DOCK1: variants seen among roughly 807,000 people sequenced by gnomAD.
DOCK1 encodes dedicator of cytokinesis 1.
In DOCK1, 138 loss-of-function variants were observed where a neutral mutation model predicts 262.7. That is an observed-to-expected ratio of 0.53 (90% confidence interval 0.46 to 0.61). DOCK1 has a LOEUF of 0.61. Among genes scored for constraint, DOCK1 ranks in the 20% least tolerant of loss-of-function variants. DOCK1 has a pLI of 0.00. For synonymous variants in DOCK1, 866 were observed against 867.4 expected, an observed-to-expected ratio of 1.00 and a Z score of 0.03; for missense variants, 1,908 against 2,370.7, an observed-to-expected ratio of 0.80 and a Z score of 4.05.
intron 29 of DOCK1, among the ~76,000 whole-genome samples, chr10:127,296,932 A>G (rs913682181): frequency 6.6e-6 from 1 of 152,154 alleles, no homozygotes; most frequent in Admixed American, 6.5e-5. Flanking sequence ...GGACCATTTG[A>G]GCTTTTCACT....
intron 4 of DOCK1, among the ~76,000 whole-genome samples, chr10:126,985,552 A>T (rs910518233): frequency 1.3e-5 from 2 of 152,104 alleles, no homozygotes; most frequent in Non-Finnish European, 2.9e-5. Flanking sequence ...CCCTATTCAC[A>T]TGGTGGAAGG....
intron 27 of DOCK1, among the ~76,000 whole-genome samples, chr10:127,233,661 C>T (rs1203330567): frequency 6.6e-6 from 1 of 152,178 alleles, no homozygotes; most frequent in East Asian, 1.9e-4. Context: ...GAGTTATATG[C>T]GGGCTTCTAG....
chr10:127,048,227 G>T (rs2044473523), intron 21 of DOCK1, among the ~76,000 whole-genome samples: 1 of 152,042 alleles, frequency 6.6e-6, no homozygotes, highest in Non-Finnish European at 1.5e-5. Flanking sequence ...ATATCTCTTG[G>T]TGATTTTAAT....
At chr10:127,080,258 A>C (rs549506087) in intron 23 of DOCK1, among the ~76,000 whole-genome samples, 1 of 152,258 alleles carries the variant, frequency 6.6e-6, no homozygotes, top group East Asian at 1.9e-4. Flanking sequence ...ATGGACTCCA[A>C]GTCTCCCTCT....
intron 12 of DOCK1, among the ~76,000 whole-genome samples, chr10:127,017,364 CACAGATACAGACACAGACATACAT>C (rs923581845): frequency 7.9e-5 from 12 of 151,518 alleles, no homozygotes; most frequent in African/African-American, 1.2e-4. Context: ...TACACATAAG[CACAGATACAGACACAGACATACAT>C]ACAGATACAG....
At chr10:127,214,506 G>T (rs764351615) in intron 27 of DOCK1, among the ~76,000 whole-genome samples, 16 of 152,194 alleles carry the variant, frequency 1.1e-4, no homozygotes, top group Non-Finnish European at 2.4e-4. Flanking sequence ...AGGTTGATGG[G>T]TGCAGCTGTG....
At chr10:127,323,561 T>C (rs914029941) in intron 29 of DOCK1, among the ~76,000 whole-genome samples, 4 of 152,146 alleles carry the variant, frequency 2.6e-5, no homozygotes, top group African/African-American at 9.7e-5. Flanking sequence ...GTCTTCCCTC[T>C]GTGGGTGATG....
chr10:127,382,769 C>G (rs577157794), intron 37 of DOCK1, among the ~76,000 whole-genome samples: 1 of 152,268 alleles, frequency 6.6e-6, no homozygotes, highest in East Asian at 1.9e-4. Flanking sequence ...CCTCATAGAA[C>G]GTAAACTTTT....
At chr10:127,442,111 TC>T (rs916284224) in intron 49 of DOCK1, among the ~76,000 whole-genome samples, 119 of 151,984 alleles carry the variant, frequency 7.8e-4, no homozygotes, top group African/African-American at 2.8e-3. Flanking sequence ...GGCGCTTGGC[TC>T]CCCCGACAGC....
At chr10:127,325,975 A>G (rs962691862) in intron 29 of DOCK1, among the ~76,000 whole-genome samples, 6 of 152,240 alleles carry the variant, frequency 3.9e-5, no homozygotes, top group Non-Finnish European at 8.8e-5. Context: ...TTTACACTAT[A>G]AAGTATTTTA....
chr10:127,083,412 C>T (rs1398980761), intron 23 of DOCK1, among the ~76,000 whole-genome samples: 2 of 152,156 alleles, frequency 1.3e-5, no homozygotes, highest in African/African-American at 2.4e-5. Flanking sequence ...CCAGCGATCT[C>T]CCCACCCTTT....
intron 1 of DOCK1, among the ~76,000 whole-genome samples, chr10:126,941,290 C>A (rs1300876722): frequency 6.6e-6 from 1 of 152,158 alleles, no homozygotes; most frequent in African/African-American, 2.4e-5. Context: ...AGATGCTATA[C>A]TGTGTAAAGA....
At chr10:127,390,758 C>G (rs902844352) in intron 38 of DOCK1, among the ~76,000 whole-genome samples, 4 of 151,924 alleles carry the variant, frequency 2.6e-5, no homozygotes, top group African/African-American at 9.7e-5. Context: ...CAAACTAATA[C>G]CAATACCAGG....
chr10:127,387,724 A>T (rs1233388450), intron 38 of DOCK1, among the ~76,000 whole-genome samples: 1 of 152,174 alleles, frequency 6.6e-6, no homozygotes, highest in East Asian at 1.9e-4. Context: ...TGCTCATTAC[A>T]TTATGGACGT....
At chr10:127,035,957 G>T (rs962870655) in intron 18 of DOCK1, among the ~76,000 whole-genome samples, 1 of 151,626 alleles carries the variant, frequency 6.6e-6, no homozygotes, top group African/African-American at 2.4e-5. Context: ...AGCTGTGGTT[G>T]TGCTCCTGCA....
chr10:127,017,731 C>G (rs9418784), intron 12 of DOCK1, among the ~76,000 whole-genome samples: 27 of 152,160 alleles, frequency 1.8e-4, no homozygotes, highest in African/African-American at 5.5e-4. Context: ...GGCAGCCCCC[C>G]CTGAGGCCTC....
intron 29 of DOCK1, among the ~76,000 whole-genome samples, chr10:127,275,210 TAA>T (rs571588352): frequency 7.6e-4 from 115 of 150,582 alleles, no homozygotes; most frequent in Non-Finnish European, 1.3e-3. Flanking sequence ...CAGTGGAAGA[TAA>T]GTCAGCAAAG....
chr10:127,245,614 G>T (rs943270381), intron 27 of DOCK1, among the ~76,000 whole-genome samples: 6 of 152,162 alleles, frequency 3.9e-5, no homozygotes, highest in African/African-American at 1.4e-4. Context: ...GGCATTTGTT[G>T]CCTTGCATGA....
intron 31 of DOCK1, among the ~76,000 whole-genome samples, chr10:127,348,513 A>G (rs1203152817): frequency 2.0e-5 from 3 of 152,214 alleles, no homozygotes; most frequent in African/African-American, 2.4e-5. Context: ...ATATCTAAGC[A>G]TAAAATGCTC....
Sources: allele counts gnomAD v4.1 joint callset (sites outside exome capture counted in the v4.1 genomes callset), GRCh38; gene constraint gnomAD v4.1.1; transcripts MANE v1.5; gene names NCBI Gene and HGNC (gene_info 2026-07-23, HGNC 2026-07-21).